GDA: variants seen among roughly 807,000 people sequenced by gnomAD.
The protein encoded by GDA is cytoplasmic PSD-95 interactor.
Under a neutral mutation model 59.6 loss-of-function variants are expected in GDA, and 18 were observed. That is an observed-to-expected ratio of 0.30 (90% CI 0.21 to 0.45). GDA has a LOEUF of 0.45. Among genes scored for constraint, GDA ranks in the 20% least tolerant of loss-of-function variants. GDA has a pLI of 1.00. For synonymous variants in GDA, 201 were observed against 201.1 expected, an observed-to-expected ratio of 1.00 and a Z score of 0.00; for missense variants, 427 against 552.3, an observed-to-expected ratio of 0.77 and a Z score of 2.27.
At chr9:72,241,328 A>G (rs1587784343) in intron 11 of GDA, 30 bp downstream of exon 11, 1 of 1,536,952 alleles carries the variant, frequency 6.5e-7, no homozygotes, top group Non-Finnish European at 8.9e-7. Context: ...TCTCTCACAC[A>G]ATATACAACC....
chr9:72,250,845 A>G lies in GDA; in HGVS notation c.*2503A>G. On this transcript the variant is annotated 3_prime_UTR_variant, in exon 14 of 14. Coordinates refer to ENST00000358399, the MANE Select transcript of GDA (RefSeq NM_004293.5). ...TCAACGGAATACACTTTGAAAGGTA[A>G]AAACAATTCAAAAGTATCGATTATC... is the stretch of plus-strand genomic sequence containing the variant. The G allele has an allele frequency of 6.2e-7, 1 of 1,606,600 alleles. No homozygotes were observed. Among genetic ancestry groups the G allele is most frequent in the Non-Finnish European group, 8.5e-7 (1 of 1,175,238 alleles).
upstream of GDA, among the ~76,000 whole-genome samples, chr9:72,145,866 C>T (rs201810347): frequency 2.4e-4 from 37 of 152,260 alleles, 1 homozygote; most frequent in East Asian, 6.0e-3. Context: ...CCCACTATAG[C>T]CTCTTAATTT....
At chr9:72,202,815 T>A in intron 3 of GDA, 73 bp downstream of exon 3, 1 of 1,181,480 alleles carries the variant, frequency 8.5e-7, no homozygotes, top group East Asian at 2.4e-5. Context: ...AGGACAGATT[T>A]AAATTATAAA....
downstream of GDA, among the ~76,000 whole-genome samples, chr9:72,255,064 G>A (rs1179030590): frequency 1.3e-5 from 2 of 152,190 alleles, no homozygotes; most frequent in East Asian, 1.9e-4. Flanking sequence ...AAGGTTATCC[G>A]GGAAAGAATT....
chr9:72,245,038 T>C, intron 11 of GDA, 110 bp from the exon 12 acceptor site: 1 of 815,252 alleles, frequency 1.2e-6, no homozygotes. Flanking sequence ...AGATACTAAT[T>C]TTTTTTTTTC....
At chr9:72,254,076 C>T (rs1587827174), downstream of GDA, among the ~76,000 whole-genome samples, 1 of 152,310 alleles carries the variant, frequency 6.6e-6, no homozygotes, top group South Asian at 2.1e-4. Flanking sequence ...TCACAGGTAA[C>T]GCTCACCAAT....
intron 10 of GDA, among the ~76,000 whole-genome samples, chr9:72,236,432 C>T (rs1167096753): frequency 2.0e-5 from 3 of 152,170 alleles, no homozygotes; most frequent in Non-Finnish European, 2.9e-5. Flanking sequence ...TTAAGGCCTC[C>T]CTCATATCAT....
chr9:72,195,626 A>T, intron 2 of GDA, 38 bp downstream of exon 2: 2 of 825,100 alleles, frequency 2.4e-6, no homozygotes, highest in Non-Finnish European at 3.9e-6. Context: ...GGGTGCCACT[A>T]ATAAGCTTAA....
At position 72,250,902 on chromosome 9, in the gene GDA, C is replaced by A; in HGVS notation, c.*2560C>A. On this transcript the variant is annotated 3_prime_UTR_variant, in exon 14 of 14. Coordinates refer to ENST00000358399, the MANE Select transcript of GDA (RefSeq NM_004293.5). ...TCACAAAATATTTTTGCAACCAGAA[C>A]ACAAAAGCAGGCTAGTCAGCTAAGG... The A allele has an allele frequency of 7.0e-7, 1 of 1,424,188 alleles. No individual in the cohort carries two copies. Among genetic ancestry groups the A allele is most frequent in the Non-Finnish European group, 9.8e-7 (1 of 1,017,862 alleles). 88.2% of individuals were successfully genotyped at this position (1,424,188 alleles called of 1,614,324 possible).
intron 1 of GDA, among the ~76,000 whole-genome samples, chr9:72,123,185 CTTTT>C (rs530381322): frequency 1.6e-5 from 2 of 126,160 alleles, no homozygotes. Context: ...TTTTTCTTCC[CTTTT>C]TTTTTTTTTT....
At chr9:72,254,776 G>A (rs901918065), downstream of GDA, among the ~76,000 whole-genome samples, 1 of 152,196 alleles carries the variant, frequency 6.6e-6, no homozygotes, top group Non-Finnish European at 1.5e-5. Flanking sequence ...TAATCCAAGC[G>A]AGAATTCTGT....
chr9:72,167,377 T>C (rs1164094935), intron 1 of GDA, among the ~76,000 whole-genome samples: 1 of 152,300 alleles, frequency 6.6e-6, no homozygotes, highest in Admixed American at 6.5e-5. Flanking sequence ...GATTAAAGCC[T>C]TCTTCCTTGC....
intron 5 of GDA, among the ~76,000 whole-genome samples, chr9:72,214,433 C>T (rs1587676842): frequency 6.6e-6 from 1 of 151,810 alleles, no homozygotes; most frequent in African/African-American, 2.4e-5. Flanking sequence ...GTAGCTGGGA[C>T]TATAGGTGCA....
In GDA at chr9:72,245,188, C is replaced by T; in HGVS notation, c.1176C>T (p.Gly392=). Residue 392 remains glycine (G), a synonymous_variant, in exon 12 of 14, where the codon GGC becomes GGT. Coordinates refer to ENST00000358399, the MANE Select transcript of GDA (RefSeq NM_004293.5). ...LDGEIGNFEV[G]KEFDAILINP... ...GTGAGATTGGAAACTTTGAAGTGGG[C>T]AAGGAATTTGATGCCATCCTGATCA... 1 of 1,612,974 alleles carries T rather than the reference C, an allele frequency of 6.2e-7. No homozygotes were observed. The highest frequency in any genetic ancestry group is 8.5e-7 in the Non-Finnish European group (1 of 1,178,990).
chr9:72,190,061 G>A (rs184930772), intron 1 of GDA, among the ~76,000 whole-genome samples: 1 of 152,228 alleles, frequency 6.6e-6, no homozygotes, highest in Non-Finnish European at 1.5e-5. Context: ...ATTATGAAGG[G>A]AGTGGGTTAG....
intron 1 of GDA, among the ~76,000 whole-genome samples, chr9:72,129,407 A>T (rs1322451512): frequency 1.3e-5 from 2 of 152,196 alleles, no homozygotes; most frequent in Admixed American, 6.5e-5. Context: ...TGGCCATGGC[A>T]TCCTGAGTTT....
intron 1 of GDA, among the ~76,000 whole-genome samples, chr9:72,185,402 T>C (rs1831744383): frequency 6.6e-6 from 1 of 152,176 alleles, no homozygotes; most frequent in Admixed American, 6.5e-5. Flanking sequence ...CTCATGCTAT[T>C]CTTTGATGCC....
At chr9:72,247,838 AT>A (rs1840315919) in intron 13 of GDA, among the ~76,000 whole-genome samples, 1 of 152,168 alleles carries the variant, frequency 6.6e-6, no homozygotes, top group Non-Finnish European at 1.5e-5. Flanking sequence ...AGAAACAGTA[AT>A]GCAGAATATT....
chr9:72,118,518 A>T (rs1825549211), intron 1 of GDA, among the ~76,000 whole-genome samples: 1 of 152,162 alleles, frequency 6.6e-6, no homozygotes, highest in Non-Finnish European at 1.5e-5. Flanking sequence ...CTATCTCTAA[A>T]GAGTTGTGGA....
Sources: gnomAD v4.1 joint callset for allele counts (sites outside exome capture counted in the v4.1 genomes callset) on GRCh38, gnomAD v4.1.1 for gene constraint, MANE v1.5 for transcripts, NCBI Gene and HGNC (gene_info 2026-07-23, HGNC 2026-07-21) for gene names.